The following SLC35E4 variants were observed in gnomAD, a reference collection of about 807,000 sequenced individuals.
SLC35E4 encodes solute carrier family 35, member E4.
SLC35E4 carries 15 observed loss-of-function variants against 19.3 expected under a neutral mutation model. That is an observed-to-expected ratio of 0.78 (90% CI 0.52 to 1.20). SLC35E4 has a LOEUF of 1.20. SLC35E4 is among the 50% of genes most tolerant of loss of function. The pLI is 0.00. For missense variants in SLC35E4, 406 were observed against 472.3 expected (o/e 0.86, Z 1.30); for synonymous variants, 219 against 219.9 (o/e 1.00, Z 0.04).
At chr22:30,663,891 T>C, downstream of SLC35E4, 1 of 1,614,140 alleles carries the variant, frequency 6.2e-7, no homozygotes, top group Middle Eastern at 1.6e-4. Flanking sequence ...CAGCATGAGC[T>C]TGTTGTTGGC....
chr22:30,652,929 G>A (rs2088251295), intron 2 of SLC35E4, among the ~76,000 whole-genome samples: 1 of 152,238 alleles, frequency 6.6e-6, no homozygotes, highest in Non-Finnish European at 1.5e-5. Flanking sequence ...GATTACTGAG[G>A]ACATCTCTGA....
Position 30,636,272 on chromosome 22 carries a change from G to T in SLC35E4, c.-179G>T. ...CTGCCCTGTCTGAGCTGGAAACACA[G>T]CTTAGCTTCTAGACATCGCTGGCAC... On this transcript the variant is annotated 5_prime_UTR_variant, in exon 1 of 2. Coordinates refer to ENST00000343605, the MANE Select transcript of SLC35E4 (RefSeq NM_001001479.4). 1 of 930,200 alleles carries T rather than the reference G, an allele frequency of 1.1e-6. No homozygotes were observed. 57.6% of individuals were successfully genotyped at this position (930,200 alleles called of 1,614,324 possible).
exon 3 of SLC35E4, chr22:30,668,749 A>G (rs34779325): frequency 0.14 from 21,750 of 152,124 alleles, 1,663 homozygotes; most frequent in Middle Eastern, 0.18. Flanking sequence ...CCTGGCCCCA[A>G]TCCTCACAAA....
At chr22:30,654,471 C>T (rs1299073520) in intron 2 of SLC35E4, 6 of 433,276 alleles carry the variant, frequency 1.4e-5, no homozygotes, top group East Asian at 7.1e-5. Context: ...CCTGCTTTTT[C>T]GTCATAGGGT....
intron 2 of SLC35E4, among the ~76,000 whole-genome samples, chr22:30,658,981 A>G (rs1485074571): frequency 1.3e-5 from 2 of 152,044 alleles, no homozygotes; most frequent in East Asian, 3.9e-4. Context: ...CATCTCTACT[A>G]GGCATGGTGG....
At chr22:30,649,169 T>A (rs574938985), downstream of SLC35E4, 36 of 716,116 alleles carry the variant, frequency 5.0e-5, no homozygotes, top group Non-Finnish European at 8.1e-5. Flanking sequence ...GGCCTCAGCT[T>A]CCAGATCTGC....
chr22:30,645,188 A>G (rs1159972941), intron 1 of SLC35E4, among the ~76,000 whole-genome samples: 4 of 152,022 alleles, frequency 2.6e-5, no homozygotes, highest in African/African-American at 9.7e-5. Context: ...CAGAGCTGGG[A>G]CCCTCTGCTG....
At chr22:30,648,534 CTGA>C (rs1021375903), downstream of SLC35E4, among the ~76,000 whole-genome samples, 3 of 152,142 alleles carry the variant, frequency 2.0e-5, no homozygotes, top group African/African-American at 7.2e-5. Flanking sequence ...GGCGGATCAC[CTGA>C]TGTCAGGGGT....
At chr22:30,639,760 C>T (rs546889293) in intron 1 of SLC35E4, among the ~76,000 whole-genome samples, 2 of 152,316 alleles carry the variant, frequency 1.3e-5, no homozygotes, top group African/African-American at 4.8e-5. Context: ...TCTCTTGTTC[C>T]CTGAACATTG....
At chr22:30,663,621 A>T (rs2088552029), downstream of SLC35E4, 1 of 1,614,134 alleles carries the variant, frequency 6.2e-7, no homozygotes, top group African/African-American at 1.3e-5. Flanking sequence ...GTGGGCGTCC[A>T]GCAGGGACAT....
At chr22:30,661,444 CTTTTTTT>C (rs56242112) in intron 2 of SLC35E4, 1 of 136,480 alleles carries the variant, frequency 7.3e-6, no homozygotes, top group African/African-American at 2.7e-5. Flanking sequence ...TTTTCTTTTT[CTTTTTTT>C]TTTTTTTTCT....
rs1383896339 is a variant in SLC35E4 at position 30,646,692 on chromosome 22, G to T, written c.714G>T (p.Val238=). Residue 238 remains valine (V), a synonymous_variant, in exon 2 of 2, where the codon GTG becomes GTT. Coordinates refer to ENST00000343605, the MANE Select transcript of SLC35E4 (RefSeq NM_001001479.4). ...GCCTGCTGGCGGGTGCAGCCCTGGT[G>T]CTGGAGGCTGGCGTTGCCCCACCGC... ...SFCLLAGAAL[V]LEAGVAPPPT... is the part of the protein sequence containing the mutation. 3.1e-6 allele frequency: 5 copies of T among 1,612,296 alleles called. No individual in the cohort carries two copies. Among genetic ancestry groups the T allele is most frequent in the Middle Eastern group, 1.7e-4 (1 of 6,050 alleles).
At chr22:30,657,734 C>G (rs927681511) in intron 2 of SLC35E4, among the ~76,000 whole-genome samples, 21 of 150,778 alleles carry the variant, frequency 1.4e-4, no homozygotes, top group African/African-American at 4.9e-4. Context: ...GAAACCCCAT[C>G]TCTACTAAAA....
intron 1 of SLC35E4, among the ~76,000 whole-genome samples, chr22:30,644,748 A>G (rs2088100617): frequency 6.6e-6 from 1 of 152,100 alleles, no homozygotes; most frequent in African/African-American, 2.4e-5. Context: ...TAATAATAAT[A>G]ATGTCATTTC....
At chr22:30,661,356 A>G (rs2088460702) in intron 2 of SLC35E4, 1 of 152,194 alleles carries the variant, frequency 6.6e-6, no homozygotes. Flanking sequence ...ATGCTCAAGT[A>G]ATATTTGCTT....
intron 2 of SLC35E4, among the ~76,000 whole-genome samples, chr22:30,660,896 A>G (rs2088445596): frequency 6.6e-6 from 1 of 151,302 alleles, no homozygotes; most frequent in African/African-American, 2.4e-5. Flanking sequence ...CTGGAGTGCA[A>G]TGTCCTGATC....
chr22:30,657,274 AAAACAC>A (rs775393873), intron 2 of SLC35E4, among the ~76,000 whole-genome samples: 5 of 50,966 alleles, frequency 9.8e-5, no homozygotes, highest in Non-Finnish European at 1.4e-4. Context: ...GTCTCTACTA[AAAACAC>A]ACACACACAC....
In SLC35E4 at chr22:30,646,971, G is replaced by A. The variant is rs1390325310; in HGVS notation, c.993G>A (p.Val331=). ...TCCTTTACCACAACTGCGAGTTCGT[G>A]GCCTCCTGGGCTGCCCGTCGGGGGC... ...GMFLYHNCEF[V]ASWAARRGLW... is the part of the protein sequence containing the mutation. The change falls in exon 2 of 2, where the codon GTG becomes GTA. Residue 331 remains valine (V), a synonymous_variant. Transcript: ENST00000343605. The A allele has an allele frequency of 6.2e-7, 1 of 1,613,712 alleles. No homozygotes were observed. Among genetic ancestry groups the A allele is most frequent in the African/African-American group, 1.3e-5 (1 of 75,058 alleles).
intron 1 of SLC35E4, among the ~76,000 whole-genome samples, chr22:30,640,744 T>C (rs1377315318): frequency 6.6e-6 from 1 of 152,198 alleles, no homozygotes; most frequent in African/African-American, 2.4e-5. Context: ...TGGGATTTTA[T>C]CTGGGCCTCA....
Sources: gnomAD v4.1 joint callset for allele counts (sites outside exome capture counted in the v4.1 genomes callset) on GRCh38, gnomAD v4.1.1 for gene constraint, MANE v1.5 for transcripts, NCBI Gene and HGNC (gene_info 2026-07-23, HGNC 2026-07-21) for gene names.